The following UROS variants were observed in gnomAD, a reference collection of about 807,000 sequenced individuals.
The protein encoded by UROS is uroporphyrinogen III synthase, also known as uroporphyrinogen-III synthase.
Under a neutral mutation model 33.0 loss-of-function variants are expected in UROS, and 18 were observed. The ratio of observed to expected loss-of-function variants is 0.55; its 90% CI spans 0.38 to 0.81. The LOEUF is 0.81. Ranked by LOEUF, UROS falls within the 30% of genes least tolerant of loss-of-function variation. UROS has a pLI of 0.00. For synonymous variants in UROS, 114 were observed against 121.1 expected, an observed-to-expected ratio of 0.94 and a Z score of 0.38; for missense variants, 293 against 314.9, an observed-to-expected ratio of 0.93 and a Z score of 0.53.
chr10:125,802,050 A>C (rs1325836179), intron 6 of UROS: 25 of 985,348 alleles, frequency 2.5e-5, no homozygotes, highest in Non-Finnish European at 2.9e-5. Flanking sequence ...TAATCCCACA[A>C]GCAATGTCAA....
intron 6 of UROS, 129 bp from the exon 7 acceptor site, chr10:125,798,274 A>T: frequency 1.1e-6 from 1 of 888,002 alleles, no homozygotes; most frequent in Non-Finnish European, 1.8e-6. Flanking sequence ...TCTAGGACTC[A>T]GTTTCAGCAT....
intron 1 of UROS, among the ~76,000 whole-genome samples, chr10:125,822,637 T>C (rs1300512859): frequency 6.6e-6 from 1 of 152,138 alleles, no homozygotes; most frequent in Non-Finnish European, 1.5e-5. Flanking sequence ...TTTGTACTTT[T>C]AGCAGAGATG....
At chr10:125,802,087 A>AT in intron 6 of UROS, 1 of 985,472 alleles carries the variant, frequency 1.0e-6, no homozygotes, top group Non-Finnish European at 1.2e-6. Context: ...TTATTTCTAC[A>AT]TTTTTAAAAG....
intron 6 of UROS, among the ~76,000 whole-genome samples, chr10:125,805,398 C>T (rs939735215): frequency 2.6e-5 from 4 of 152,168 alleles, no homozygotes; most frequent in African/African-American, 9.7e-5. Flanking sequence ...TGTGACAGGC[C>T]ATGGGATGAG....
rs1034766280 is a variant in UROS at position 125,802,276 on chromosome 10, A to G, written c.395-4131T>C. 13 of 985,600 alleles carry G rather than the reference A, an allele frequency of 1.3e-5. No individual in the cohort carries two copies. In the South Asian group the frequency reaches 1.4e-4, roughly 11 times the overall value. 61.1% of individuals were successfully genotyped at this position (985,600 alleles called of 1,614,324 possible). A position where few individuals can be genotyped will look rare whatever the true frequency, so the allele number is the denominator to read the frequency against. On this transcript the variant is annotated intron_variant, in intron 6 of 9. Coordinates refer to ENST00000368797, the MANE Select transcript of UROS (RefSeq NM_000375.3). ...AGCGATCCCATGGGGCTGGGGCCAC[A>G]TGGCACGGGGCCCAACCAGTGCTCT...
chr10:125,812,644 T>C (rs1340811216), intron 4 of UROS, among the ~76,000 whole-genome samples: 1 of 152,132 alleles, frequency 6.6e-6, no homozygotes, highest in Non-Finnish European at 1.5e-5. Context: ...AAAAAGACAC[T>C]GGTCATTTAA....
chr10:125,802,820 C>A (rs773397124), intron 6 of UROS: 2 of 1,469,812 alleles, frequency 1.4e-6, no homozygotes, highest in South Asian at 2.8e-5. Context: ...AGGCCCTGTG[C>A]GCTCCTGGAG....
rs1854174479 is a variant in UROS at position 125,823,235 on chromosome 10, G to A, written c.-233C>T. 4.1e-6 allele frequency: 1 copy of A among 241,918 alleles called. No individual in the cohort carries two copies. The highest frequency in any genetic ancestry group is 8.0e-6 in the Non-Finnish European group (1 of 124,814). The allele number at this position is 241,918 out of a possible 1,614,324, so 15.0% of individuals were successfully genotyped here. ...AGACTGGGGTCGCGTGGGTGGCTGC[G>A]CGCAGCTAGGCGCTCGCGCATGCGC... is the stretch of plus-strand genomic sequence containing the variant. On this transcript the variant is annotated 5_prime_UTR_variant, in exon 1 of 10. Coordinates refer to ENST00000368797, the MANE Select transcript of UROS (RefSeq NM_000375.3).
rs375482009 is a variant in UROS, at chr10:125,790,744, C to T, written c.661-1739G>A. ...GTTGCAGTGAGCTGAGATCGTGCCA[C>T]TGCACTCCAACCTGGGCAACGAGAG... On this transcript the variant is annotated intron_variant, in intron 9 of 9. Transcript: ENST00000368797. Among the ~76,000 whole-genome samples the T allele has an allele frequency of 3.3e-4, 49 of 146,352 alleles. No individual in the cohort carries two copies. The South Asian group carries it at 0.01, about 30-fold the overall frequency.
At chr10:125,818,338 T>C (rs1365605129) in intron 1 of UROS, among the ~76,000 whole-genome samples, 1 of 151,932 alleles carries the variant, frequency 6.6e-6, no homozygotes, top group Admixed American at 6.6e-5. Flanking sequence ...TAAAAGTTGT[T>C]AACAAGGAGC....
At chr10:125,785,639 C>T (rs1850614753), downstream of UROS, 1 of 152,242 alleles carries the variant, frequency 6.6e-6, no homozygotes, top group African/African-American at 2.4e-5. Context: ...TTAAAGCACA[C>T]AAAACTTACA....
chr10:125,809,521 G>A (rs1285011314), intron 5 of UROS, among the ~76,000 whole-genome samples: 1 of 152,084 alleles, frequency 6.6e-6, no homozygotes, highest in Admixed American at 6.5e-5. Context: ...TAGATTCTTG[G>A]AAATTGCCAC....
intron 4 of UROS, 144 bp downstream of exon 4, chr10:125,814,890 G>T (rs1208702119): frequency 4.2e-6 from 4 of 941,534 alleles, no homozygotes; most frequent in Non-Finnish European, 6.7e-6. Context: ...CTGTTCTCCT[G>T]TTTCCCAAGG....
chr10:125,806,700 T>TG (rs1183313684), intron 6 of UROS, among the ~76,000 whole-genome samples: 1 of 152,146 alleles, frequency 6.6e-6, no homozygotes, highest in Non-Finnish European at 1.5e-5. Flanking sequence ...CATGCTCTCA[T>TG]GGGGGTGTAT....
chr10:125,820,555 T>C (rs1853781959), intron 1 of UROS, among the ~76,000 whole-genome samples: 1 of 152,174 alleles, frequency 6.6e-6, no homozygotes. Context: ...AGAAATAATG[T>C]TTAACCAGAT....
rs1436191296 is a variant in UROS, at chr10:125,788,812, A to G, written c.*56T>C. ...AGAGCCCTTGCCGATGCCTGGCTCC[A>G]TCCAGAGCCAGCCCAGCCCAGGGAG... On this transcript the variant is annotated 3_prime_UTR_variant, in exon 10 of 10. Coordinates refer to ENST00000368797, the MANE Select transcript of UROS (RefSeq NM_000375.3). 8.4e-6 allele frequency: 13 copies of G among 1,539,090 alleles called. No homozygotes were observed. Among genetic ancestry groups the G allele is most frequent in the African/African-American group, 1.4e-5 (1 of 73,016 alleles).
chr10:125,802,929 C>A, intron 6 of UROS: 2 of 1,610,464 alleles, frequency 1.2e-6, no homozygotes, highest in Non-Finnish European at 1.7e-6. Flanking sequence ...ACCAAGGATG[C>A]GGCTAAACCC....
At chr10:125,802,942 G>A in intron 6 of UROS, 5 of 1,612,504 alleles carry the variant, frequency 3.1e-6, no homozygotes, top group Non-Finnish European at 4.2e-6. Context: ...CTAAACCCCA[G>A]ATATTACTCC....
intron 1 of UROS, among the ~76,000 whole-genome samples, chr10:125,822,513 G>T (rs1322826042): frequency 6.6e-6 from 1 of 152,052 alleles, no homozygotes; most frequent in South Asian, 2.1e-4. Context: ...AGTAGAGATG[G>T]GATTTCGCCA....
Sources: allele counts gnomAD v4.1 joint callset (sites outside exome capture counted in the v4.1 genomes callset), GRCh38; gene constraint gnomAD v4.1.1; transcripts MANE v1.5; gene names NCBI Gene and HGNC (gene_info 2026-07-23, HGNC 2026-07-21).